Variants in OTOA observed in about 807,000 individuals in gnomAD.
The protein encoded by OTOA is otoancorin.
In OTOA, 70 loss-of-function variants were observed where a neutral mutation model predicts 110.8. The observed-to-expected ratio is 0.63, with a 90% CI of 0.52 to 0.77. The LOEUF (loss-of-function observed/expected upper bound fraction) is 0.77, where lower values mean the gene tolerates loss of function less well. Ranked by LOEUF, OTOA falls within the 30% of genes least tolerant of loss-of-function variation. The pLI is 0.00. For missense variants in OTOA, 917 were observed against 1,075.8 expected (o/e 0.85, Z 2.06); for synonymous variants, 373 against 431.5 (o/e 0.86, Z 1.68).
chr16:21,685,433 G>T, intron 7 of OTOA, 72 bp downstream of exon 7: 1 of 1,586,798 alleles, frequency 6.3e-7, no homozygotes, highest in Non-Finnish European at 8.6e-7. Context: ...TTGAATAAAT[G>T]GAGCCTGACT....
Position 21,678,953 on chromosome 16 carries a change from C to G in OTOA, c.120+10C>G, listed in dbSNP as rs200215069. The G allele has an allele frequency of 4.9e-4, 795 of 1,613,574 alleles. 2 individuals carry two copies. The highest frequency in any genetic ancestry group is 6.2e-4 in the Non-Finnish European group (728 of 1,179,916). On this transcript the variant is annotated intron_variant, in intron 3 of 28. Transcript: ENST00000646100. ...GTTGCAAAACATGGCGGTGAGTATTCTATTTTCTGTTAATCAGAGTCCCCT... is the reference window on the plus strand; with the variant it reads ...GTTGCAAAACATGGCGGTGAGTATTGTATTTTCTGTTAATCAGAGTCCCCT...
chr16:21,705,786 A>G (rs977641663), intron 12 of OTOA, among the ~76,000 whole-genome samples: 1 of 152,146 alleles, frequency 6.6e-6, no homozygotes, highest in Non-Finnish European at 1.5e-5. Context: ...TCTACTAAAA[A>G]TACAAAAACA....
intron 17 of OTOA, among the ~76,000 whole-genome samples, chr16:21,722,393 A>ACATAT (rs1898783373): frequency 6.7e-6 from 1 of 148,372 alleles, no homozygotes; most frequent in Non-Finnish European, 1.5e-5. Context: ...ATGTATAGTT[A>ACATAT]AGCTATATAT....
In OTOA at chr16:21,687,459, C is replaced by G. The variant is rs113820086; in HGVS notation, c.446C>G (p.Ala149Gly). ...IIDLGEIRERALQSPGVNRSL... is the reference protein window; with the variant it reads ...IIDLGEIRERGLQSPGVNRSL... ...GACTTAGGAGAGATTCGAGAACGAG[C>G]CTTGCAGAGCCCTGGCGTGAACCGC... Residue 149 changes from alanine to glycine, a missense_variant, in exon 8 of 29, where the codon GCC becomes GGC. Ala to Gly is a moderately conservative substitution (Grantham distance 60). Coordinates refer to ENST00000646100, the MANE Select transcript of OTOA (RefSeq NM_144672.4). 1.9e-6 allele frequency: 3 copies of G among 1,614,018 alleles called. No homozygotes were observed. The highest frequency in any genetic ancestry group is 2.5e-6 in the Non-Finnish European group (3 of 1,179,994).
At chr16:21,704,648 A>G (rs752389364) in intron 11 of OTOA, among the ~76,000 whole-genome samples, 18 of 152,092 alleles carry the variant, frequency 1.2e-4, no homozygotes, top group Non-Finnish European at 2.4e-4. Context: ...GCGCTCTGTT[A>G]TGGAACCAAA....
intron 18 of OTOA, 65 bp from the exon 19 acceptor site, chr16:21,726,458 C>G: frequency 6.2e-7 from 1 of 1,605,932 alleles, no homozygotes; most frequent in Non-Finnish European, 8.5e-7. Flanking sequence ...CAGGCGGACC[C>G]TGATTTTAGG....
At chr16:21,732,755 A>G (rs1346125331) in intron 21 of OTOA, among the ~76,000 whole-genome samples, 1 of 149,790 alleles carries the variant, frequency 6.7e-6, no homozygotes, top group Non-Finnish European at 1.5e-5. Context: ...AATTTAAAGC[A>G]AATGTAAGCC....
intron 5 of OTOA, among the ~76,000 whole-genome samples, chr16:21,680,107 TC>T (rs551074628): frequency 1.1e-4 from 17 of 152,242 alleles, no homozygotes; most frequent in Admixed American, 9.2e-4. Context: ...CCATAACCAC[TC>T]CTTTCCCTAA....
At chr16:21,702,433 G>A (rs888831084) in intron 11 of OTOA, among the ~76,000 whole-genome samples, 9 of 152,010 alleles carry the variant, frequency 5.9e-5, no homozygotes, top group African/African-American at 2.2e-4. Flanking sequence ...ATTTTTCTAT[G>A]GTTTCACACA....
chr16:21,669,995 G>T (rs1966846922), intron 1 of OTOA, among the ~76,000 whole-genome samples: 1 of 151,854 alleles, frequency 6.6e-6, no homozygotes, highest in East Asian at 1.9e-4. Flanking sequence ...GTGTGGTGGT[G>T]GGCACCTATA....
chr16:21,669,297 C>G (rs748660240), intron 1 of OTOA, among the ~76,000 whole-genome samples: 1 of 151,934 alleles, frequency 6.6e-6, no homozygotes, highest in Non-Finnish European at 1.5e-5. Context: ...GAGCTGAGAT[C>G]GTGCCACTGC....
intron 20 of OTOA, among the ~76,000 whole-genome samples, chr16:21,728,838 C>A (rs1280800568): frequency 6.6e-6 from 1 of 152,010 alleles, no homozygotes; most frequent in African/African-American, 2.4e-5. Flanking sequence ...CCACCCACCT[C>A]GGCCTCCCAA....
intron 13 of OTOA, 57 bp from the exon 14 acceptor site, chr16:21,714,928 C>G (rs1228486354): frequency 3.7e-5 from 59 of 1,609,524 alleles, no homozygotes; most frequent in Non-Finnish European, 4.9e-5. Flanking sequence ...GCTGAGTGCA[C>G]GTTGGAGAGG....
chr16:21,715,043 A>G lies in OTOA; in HGVS notation c.1379A>G (p.Gln460Arg). The G allele has an allele frequency of 6.2e-7, 1 of 1,614,216 alleles. No homozygotes were observed. Among genetic ancestry groups the G allele is most frequent in the Non-Finnish European group, 8.5e-7 (1 of 1,180,024 alleles). Residue 460 changes from glutamine to arginine, a missense_variant, in exon 14 of 29, where the codon CAG (glutamine) becomes CGG (arginine). Gln to Arg is a conservative substitution (Grantham distance 43, BLOSUM62 1). Coordinates refer to ENST00000646100, the MANE Select transcript of OTOA (RefSeq NM_144672.4). The part of the protein sequence containing the change: ...MGALLAGVST[Q>R]AFCSMKRKDI... The stretch of plus-strand genomic sequence containing the variant: ...GCACTGCTGGCTGGGGTCAGCACCC[A>G]GGCCTTCTGCAGCATGAAACGCAAG...
intron 8 of OTOA, among the ~76,000 whole-genome samples, chr16:21,688,873 C>G (rs879124410): frequency 6.6e-6 from 1 of 152,154 alleles, no homozygotes; most frequent in African/African-American, 2.4e-5. Context: ...CACAAAGGCT[C>G]TGAGCCTGGG....
chr16:21,682,975 C>T (rs774218924), intron 6 of OTOA, among the ~76,000 whole-genome samples: 16 of 152,196 alleles, frequency 1.1e-4, no homozygotes, highest in Non-Finnish European at 2.4e-4. Context: ...AGAAGCAATG[C>T]TTGCCACTTT....
chr16:21,757,815 A>G (rs993193432), intron 28 of OTOA, among the ~76,000 whole-genome samples: 6 of 151,870 alleles, frequency 4.0e-5, no homozygotes. Context: ...ATGGGGCTTC[A>G]CCATGTTGGC....
chr16:21,731,092 G>C (rs1201686015), intron 21 of OTOA, among the ~76,000 whole-genome samples, 162 bp downstream of exon 21: 1 of 151,854 alleles, frequency 6.6e-6, no homozygotes, highest in Admixed American at 6.6e-5. Flanking sequence ...GATGTGCAAG[G>C]TTCTGGAAAA....
In OTOA at chr16:21,760,576, A is replaced by C. The variant is rs771515701; in HGVS notation, c.*36A>C. ...CGCATCGTCCTGTGTTGCCCCAAGC[A>C]GCTGGCCAACATGTGTAGAGACAGG... On this transcript the variant is annotated 3_prime_UTR_variant, in exon 29 of 29. Coordinates refer to ENST00000646100, the MANE Select transcript of OTOA (RefSeq NM_144672.4). 1 of 1,507,322 alleles carries C rather than the reference A, an allele frequency of 6.6e-7. No homozygotes were observed. Among genetic ancestry groups the C allele is most frequent in the African/African-American group, 1.4e-5 (1 of 73,936 alleles). The allele number at this position is 1,507,322 out of a possible 1,614,324, so 93.4% of individuals were successfully genotyped here.
Sources: allele counts gnomAD v4.1 joint callset (sites outside exome capture counted in the v4.1 genomes callset), GRCh38; gene constraint gnomAD v4.1.1; transcripts MANE v1.5; gene names NCBI Gene and HGNC (gene_info 2026-07-23, HGNC 2026-07-21).